The following DGKI variants were observed in gnomAD, a reference collection of about 807,000 sequenced individuals.
The protein encoded by DGKI is diacylglycerol kinase iota.
In DGKI, 55 loss-of-function variants were observed where a neutral mutation model predicts 147.5. That is an observed-to-expected ratio of 0.37 (90% CI 0.30 to 0.47). The LOEUF is 0.47. Among genes scored for constraint, DGKI ranks in the 20% least tolerant of loss-of-function variants. The pLI is 1.00. For missense variants in DGKI, 1,007 were observed against 1,323.8 expected, an observed-to-expected ratio of 0.76 and a Z score of 3.71; for synonymous variants, 469 against 477.1, an observed-to-expected ratio of 0.98 and a Z score of 0.22.
intron 28 of DGKI, among the ~76,000 whole-genome samples, chr7:137,421,994 AT>A (rs1164392731): frequency 1.3e-5 from 2 of 152,232 alleles, no homozygotes; most frequent in African/African-American, 2.4e-5. Context: ...TGTAAATCTC[AT>A]GGTGTTTGTT....
chr7:137,845,059 T>A (rs1347288422), intron 1 of DGKI, among the ~76,000 whole-genome samples: 4 of 152,160 alleles, frequency 2.6e-5, no homozygotes, highest in Non-Finnish European at 4.4e-5. Context: ...AACCAAAGTA[T>A]AAAAAGAAAG....
chr7:137,722,122 C>T lies in DGKI; in HGVS notation c.402-32120G>A, dbSNP rs1204127861. The T allele has an allele frequency of 3.8e-5, 60 of 1,598,572 alleles. No individual in the cohort carries two copies. The Middle Eastern group carries it at 1.4e-3, about 38-fold the overall frequency. Reference sequence around the variant, plus strand: ...CAAGAAGGGGAAGCCCCATTGCAGCCGCAACCCTGTCATTGTCAGAGGAAT... The same window carrying T: ...CAAGAAGGGGAAGCCCCATTGCAGCTGCAACCCTGTCATTGTCAGAGGAAT... On this transcript the variant is annotated intron_variant, in intron 1 of 32. Coordinates refer to ENST00000614521, the MANE Select transcript of DGKI (RefSeq NM_001321708.2).
chr7:137,664,028 T>A (rs1447427650), intron 3 of DGKI, among the ~76,000 whole-genome samples: 1 of 151,598 alleles, frequency 6.6e-6, no homozygotes, highest in Non-Finnish European at 1.5e-5. Context: ...AAAGCAACAG[T>A]AATGAGGTGC....
intron 21 of DGKI, among the ~76,000 whole-genome samples, chr7:137,491,831 C>T (rs1815773787): frequency 6.6e-6 from 1 of 152,230 alleles, no homozygotes; most frequent in South Asian, 2.1e-4. Context: ...CCTATGCCCA[C>T]TCTACATGAC....
At chr7:137,771,449 A>T (rs548831961) in intron 1 of DGKI, 8 of 152,340 alleles carry the variant, frequency 5.3e-5, no homozygotes, top group African/African-American at 1.4e-4. Flanking sequence ...CAAGATTCAC[A>T]TTGCATCATA....
chr7:137,722,895 A>AT, intron 1 of DGKI: 1 of 782,556 alleles, frequency 1.3e-6, no homozygotes, highest in Non-Finnish European at 2.1e-6. Context: ...ACGTTAAAAA[A>AT]AAAAAAAAGT....
chr7:137,715,761 C>T lies in DGKI; in HGVS notation c.402-25759G>A, dbSNP rs77015109. On this transcript the variant is annotated intron_variant, in intron 1 of 32. Transcript: ENST00000614521. ...TGCTCCCTGATGACTAACCAGACAA[C>T]CTTGATAGAAGCCCAAACCTATTAT... Among the ~76,000 whole-genome samples, 16 of 152,278 alleles carry T rather than the reference C, an allele frequency of 1.1e-4. No individual in the cohort carries two copies. The East Asian group carries it at 2.9e-3, about 28-fold the overall frequency.
At chr7:137,471,002 A>G (rs983067435) in intron 23 of DGKI, among the ~76,000 whole-genome samples, 2 of 152,234 alleles carry the variant, frequency 1.3e-5, no homozygotes, top group African/African-American at 4.8e-5. Flanking sequence ...AGAAGAGAGA[A>G]CTGGCAGATT....
Position 137,382,188 on chromosome 7 carries a change from G to A in DGKI, c.*9032C>T, listed in dbSNP as rs1811076373. 6.6e-6 allele frequency: 1 copy of A among 152,058 alleles called. No individual in the cohort carries two copies. Among genetic ancestry groups the A allele is most frequent in the Non-Finnish European group, 1.5e-5 (1 of 67,996 alleles). The allele number at this position is 152,058 out of a possible 1,614,324, so 9.4% of individuals were successfully genotyped here. A position where few individuals can be genotyped will look rare whatever the true frequency, so the allele number is the denominator to read the frequency against. On this transcript the variant is annotated 3_prime_UTR_variant, in exon 33 of 33. Transcript: ENST00000614521. ...ACAGGACTATCCTATCTGTATGTGTGTGTTTTATAAGTGAAGAGTAAAGAC... is the reference window on the plus strand; with the variant it reads ...ACAGGACTATCCTATCTGTATGTGTATGTTTTATAAGTGAAGAGTAAAGAC...
At chr7:137,497,500 C>T (rs1816011196) in intron 21 of DGKI, among the ~76,000 whole-genome samples, 1 of 151,978 alleles carries the variant, frequency 6.6e-6, no homozygotes, top group African/African-American at 2.4e-5. Flanking sequence ...TGTATGTTCA[C>T]TGTAGCACTA....
At chr7:137,393,556 A>C (rs1811442970) in intron 32 of DGKI, among the ~76,000 whole-genome samples, 2 of 152,234 alleles carry the variant, frequency 1.3e-5, no homozygotes, top group Admixed American at 1.3e-4. Flanking sequence ...CAATCAGGCT[A>C]AACATCAAAA....
At chr7:137,677,277 A>G (rs1474221129) in intron 3 of DGKI, among the ~76,000 whole-genome samples, 7 of 152,256 alleles carry the variant, frequency 4.6e-5, no homozygotes, top group Non-Finnish European at 2.9e-5. Flanking sequence ...TTAATAAAAA[A>G]GAATTTAATC....
At chr7:137,693,448 C>T (rs1291543758) in intron 1 of DGKI, among the ~76,000 whole-genome samples, 2 of 152,094 alleles carry the variant, frequency 1.3e-5, no homozygotes, top group Non-Finnish European at 2.9e-5. Context: ...AGAAAATATC[C>T]TATAATGCAG....
chr7:137,845,871 C>A (rs753537699), intron 1 of DGKI, among the ~76,000 whole-genome samples: 2 of 152,086 alleles, frequency 1.3e-5, no homozygotes, highest in African/African-American at 2.4e-5. Flanking sequence ...AGTGGCGCAT[C>A]TACAGACATA....
intron 23 of DGKI, among the ~76,000 whole-genome samples, chr7:137,481,567 G>A (rs1235398878): frequency 6.6e-6 from 1 of 152,002 alleles, no homozygotes; most frequent in Non-Finnish European, 1.5e-5. Flanking sequence ...TTTTCAACAG[G>A]CTATAAATAT....
At chr7:137,800,138 G>T (rs1310027752) in intron 1 of DGKI, among the ~76,000 whole-genome samples, 1 of 152,112 alleles carries the variant, frequency 6.6e-6, no homozygotes, top group Non-Finnish European at 1.5e-5. Context: ...TATAGAATAT[G>T]GCAAGGTTGG....
intron 1 of DGKI, among the ~76,000 whole-genome samples, chr7:137,756,421 G>C (rs10262997): frequency 1.3e-5 from 2 of 152,120 alleles, no homozygotes; most frequent in East Asian, 1.9e-4. Flanking sequence ...TTCGGGAACC[G>C]TCAGAAAGGT....
intron 21 of DGKI, among the ~76,000 whole-genome samples, chr7:137,515,362 A>C: frequency 6.6e-6 from 1 of 151,818 alleles, no homozygotes; most frequent in African/African-American, 2.4e-5. Context: ...ATCTTGAAAT[A>C]GTACTAGAAA....
At position 137,384,797 on chromosome 7, in the gene DGKI, G is replaced by C. The variant is rs183667962; in HGVS notation, c.*6423C>G. ...TATATGTGTGTTTCACTAAAGGTCT[G>C]AGGGAAAAGATAATTTCAGTATTTC... On this transcript the variant is annotated 3_prime_UTR_variant, in exon 33 of 33. Coordinates refer to ENST00000614521, the MANE Select transcript of DGKI (RefSeq NM_001321708.2). 32 of 152,190 alleles carry C rather than the reference G, an allele frequency of 2.1e-4. No individual in the cohort carries two copies. The East Asian group carries it at 5.8e-3, about 28-fold the overall frequency. The allele number at this position is 152,190 out of a possible 1,614,324, so 9.4% of individuals were successfully genotyped here.
Sources: allele counts gnomAD v4.1 joint callset (sites outside exome capture counted in the v4.1 genomes callset), GRCh38; gene constraint gnomAD v4.1.1; transcripts MANE v1.5; gene names NCBI Gene and HGNC (gene_info 2026-07-23, HGNC 2026-07-21).